KLRB1: variants seen among roughly 807,000 people sequenced by gnomAD.
KLRB1 encodes the protein killer cell lectin like receptor B1.
A neutral mutation model predicts 33.5 loss-of-function variants in KLRB1; 27 were observed. That is an observed-to-expected ratio of 0.81 (90% confidence interval 0.59 to 1.11). The LOEUF is 1.11. KLRB1 is among the 50% of genes most tolerant of loss of function. The pLI is 0.00. For synonymous variants in KLRB1, 64 were observed against 88.9 expected, an observed-to-expected ratio of 0.72 and a Z score of 1.58; for missense variants, 241 against 254.1, an observed-to-expected ratio of 0.95 and a Z score of 0.35.
chr12:9,604,977 A>G (rs1347430120), intron 1 of KLRB1, among the ~76,000 whole-genome samples: 1 of 152,142 alleles, frequency 6.6e-6, no homozygotes, highest in South Asian at 2.1e-4. Flanking sequence ...TCCTAGTGCT[A>G]TCCCTTCTCC....
At chr12:9,606,444 G>C (rs946997785) in intron 1 of KLRB1, 3 of 151,878 alleles carry the variant, frequency 2.0e-5, no homozygotes, top group Non-Finnish European at 4.4e-5. Context: ...GAAAGTGCCA[G>C]TTTCAACAAA....
At position 9,598,554 on chromosome 12, in the gene KLRB1, G is replaced by T. The variant is rs937510021; in HGVS notation, c.359C>A (p.Ala120Asp). 1.9e-6 allele frequency: 3 copies of T among 1,612,694 alleles called. No homozygotes were observed. The highest frequency in any genetic ancestry group is 2.5e-6 in the Non-Finnish European group (3 of 1,178,960). The change falls in exon 4 of 6, where the codon GCT (alanine) becomes GAT (aspartate). Residue 120 changes from alanine (A) to aspartate (D), a missense_variant. By Grantham distance (126) the Ala-to-Asp change is moderately radical. Transcript: ENST00000229402. ...HTVNPWNNSL[A>D]DCSTKESSLL... ...GCTGGATTCTTTGGTGGAACAATCA[G>T]CTAGACTGTTATTCCAAGGGTTGAC...
At chr12:9,607,593 C>T (rs1468796912) in intron 1 of KLRB1, 162 bp downstream of exon 1, 20 of 546,046 alleles carry the variant, frequency 3.7e-5, no homozygotes, top group African/African-American at 7.8e-5. Context: ...ATTTTTTTTC[C>T]CAAAGTTGTG....
chr12:9,601,570 A>G lies in KLRB1; in HGVS notation c.115T>C (p.Phe39Leu). Residue 39 changes from phenylalanine to leucine, a missense_variant, in exon 2 of 6, where the codon TTT becomes CTT. Transcript: ENST00000229402. The stretch of plus-strand genomic sequence containing the variant: ...CCAGCACAGCTAAGTTTCAGGGCAA[A>G]TTGATGCCAAGGTGAACCCTGACAG... ...DVCQGSPWHQ[F>L]ALKLSCAGII... 6.2e-7 allele frequency: 1 copy of G among 1,613,554 alleles called. No individual in the cohort carries two copies. Among genetic ancestry groups the G allele is most frequent in the Non-Finnish European group, 8.5e-7 (1 of 1,179,514 alleles).
chr12:9,606,754 A>ATTTTTTTTTT (rs1414913660), intron 1 of KLRB1, among the ~76,000 whole-genome samples: 9 of 25,418 alleles, frequency 3.5e-4, no homozygotes, highest in Non-Finnish European at 5.2e-4. Flanking sequence ...ATATATATAT[A>ATTTTTTTTTT]TATATATTTT....
At chr12:9,607,352 C>CT (rs757446968) in intron 1 of KLRB1, among the ~76,000 whole-genome samples, 16,621 of 61,550 alleles carry the variant, frequency 0.27, 2,669 homozygotes, top group Admixed American at 0.36. Flanking sequence ...TTCTTTCTTT[C>CT]TTCCTTTCTT....
Position 9,595,270 on chromosome 12 carries a change from A to G in KLRB1, c.*4T>C, listed in dbSNP as rs1864482306. 1 of 1,612,640 alleles carries G rather than the reference A, an allele frequency of 6.2e-7. No individual in the cohort carries two copies. Among genetic ancestry groups the G allele is most frequent in the South Asian group, 1.1e-5 (1 of 91,036 alleles). The stretch of plus-strand genomic sequence containing the variant: ...AAGCAAATAAATTGAGATGGGATTC[A>G]TAGTCAAGAGTCAGGATACACTTTA... On this transcript the variant is annotated 3_prime_UTR_variant, in exon 6 of 6. Transcript: ENST00000229402.
chr12:9,601,256 C>T (rs28387374), intron 2 of KLRB1, among the ~76,000 whole-genome samples: 1 of 151,416 alleles, frequency 6.6e-6, no homozygotes, highest in African/African-American at 2.4e-5. Flanking sequence ...CACAAATGAT[C>T]AATAAATACT....
intron 2 of KLRB1, among the ~76,000 whole-genome samples, chr12:9,600,310 A>G (rs1318447057): frequency 1.3e-5 from 2 of 152,216 alleles, no homozygotes; most frequent in Non-Finnish European, 2.9e-5. Context: ...GGCCACATAT[A>G]TAATACCCCG....
At chr12:9,604,906 G>A (rs1864583149) in intron 1 of KLRB1, among the ~76,000 whole-genome samples, 2 of 152,022 alleles carry the variant, frequency 1.3e-5, no homozygotes. Context: ...TGTTACATAT[G>A]TATACATGTG....
At chr12:9,603,859 T>G (rs1237931105) in intron 1 of KLRB1, among the ~76,000 whole-genome samples, 1 of 152,218 alleles carries the variant, frequency 6.6e-6, no homozygotes, top group African/African-American at 2.4e-5. Flanking sequence ...ACGTTCAACC[T>G]TCATAACCCA....
In KLRB1 at chr12:9,595,191, T is replaced by C. The variant is rs1465323698; in HGVS notation, c.*83A>G. The C allele has an allele frequency of 7.4e-6, 9 of 1,210,824 alleles. No homozygotes were observed. The highest frequency in any genetic ancestry group is 9.6e-6 in the Non-Finnish European group (8 of 835,528). The allele number at this position is 1,210,824 out of a possible 1,614,324, so 75.0% of individuals were successfully genotyped here. A position where few individuals can be genotyped will look rare whatever the true frequency, so the allele number is the denominator to read the frequency against. ...CACTTTGTGCCACTAAATGTGGCAC[T>C]ATTAGGTAGTACCAATAGTATGTGC... On this transcript the variant is annotated 3_prime_UTR_variant, in exon 6 of 6. Coordinates refer to ENST00000229402, the MANE Select transcript of KLRB1 (RefSeq NM_002258.3).
chr12:9,607,066 C>T (rs1864613939), intron 1 of KLRB1, among the ~76,000 whole-genome samples: 1 of 151,784 alleles, frequency 6.6e-6, no homozygotes, highest in Non-Finnish European at 1.5e-5. Flanking sequence ...ACGTTGTATT[C>T]TGAAAGGAAT....
chr12:9,607,355 C>A (rs5023029), intron 1 of KLRB1, among the ~76,000 whole-genome samples: 1 of 52,706 alleles, frequency 1.9e-5, no homozygotes, highest in African/African-American at 5.2e-5. Context: ...TTTCTTTCTT[C>A]CTTTCTTTCT....
Position 9,599,772 on chromosome 12 carries a change from G to A in KLRB1, c.254C>T (p.Thr85Ile), listed in dbSNP as rs770474969. ...SVDIQQSRNK[T>I]TERPGLLNCP... ...AATTGAAGCCACACAATTACCTGTTGTTTTATTCCTGCTCTGTTGAATGTC... is the reference window on the plus strand; with the variant it reads ...AATTGAAGCCACACAATTACCTGTTATTTTATTCCTGCTCTGTTGAATGTC... Residue 85 changes from threonine to isoleucine, a missense_variant, in exon 3 of 6, where the codon ACA becomes ATA. Thr to Ile is a moderately conservative substitution (Grantham distance 89). Coordinates refer to ENST00000229402, the MANE Select transcript of KLRB1 (RefSeq NM_002258.3). 1 of 1,592,784 alleles carries A rather than the reference G, an allele frequency of 6.3e-7. No homozygotes were observed. The highest frequency in any genetic ancestry group is 1.1e-5 in the South Asian group (1 of 90,616).
intron 5 of KLRB1, among the ~76,000 whole-genome samples, chr12:9,596,677 C>T (rs921782632): frequency 6.6e-6 from 1 of 152,180 alleles, no homozygotes; most frequent in African/African-American, 2.4e-5. Flanking sequence ...TTCCTCCATC[C>T]ACTTTACACA....
At chr12:9,607,307 T>TTCTCTC (rs141059126) in intron 1 of KLRB1, among the ~76,000 whole-genome samples, 45,032 of 120,988 alleles carry the variant, frequency 0.37, 10,411 homozygotes, top group Middle Eastern at 0.51. Flanking sequence ...TCTCCTTTCT[T>TTCTCTC]TCTTTCTTCT....
intron 4 of KLRB1, among the ~76,000 whole-genome samples, 164 bp from the exon 5 acceptor site, chr12:9,598,325 A>G (rs1189666902): frequency 1.3e-5 from 2 of 152,072 alleles, no homozygotes; most frequent in African/African-American, 4.8e-5. Flanking sequence ...TATTTCTATT[A>G]TTGTATTCAT....
intron 1 of KLRB1, among the ~76,000 whole-genome samples, chr12:9,607,340 C>CTTTCTTCCTTCG (rs1565444551): frequency 1.5e-4 from 7 of 47,976 alleles, no homozygotes; most frequent in Non-Finnish European, 3.1e-4. Context: ...TCTTTCCTTT[C>CTTTCTTCCTTCG]TTTCTTTCTT....
Sources: gnomAD v4.1 joint callset for allele counts (sites outside exome capture counted in the v4.1 genomes callset) on GRCh38, gnomAD v4.1.1 for gene constraint, MANE v1.5 for transcripts, NCBI Gene and HGNC (gene_info 2026-07-23, HGNC 2026-07-21) for gene names.